Variants in LRP1B observed in about 807,000 individuals in gnomAD.
The protein encoded by LRP1B is low-density lipoprotein receptor-related protein 1B.
LRP1B carries 217 observed loss-of-function variants against 556.6 expected under a neutral mutation model. The observed-to-expected ratio is 0.39, with a 90% CI of 0.35 to 0.44. The LOEUF (loss-of-function observed/expected upper bound fraction) is 0.44. Ranked by LOEUF, LRP1B falls within the 20% of genes least tolerant of loss-of-function variation. The probability of loss-of-function intolerance (pLI) is 1.00; values close to 1 mark genes in which losing one functional copy is unlikely to be tolerated. For synonymous variants in LRP1B, 2,047 were observed against 1,865.8 expected (o/e 1.10, Z -2.50); for missense variants, 5,053 against 5,620.8 (o/e 0.90, Z 3.23).
chr2:141,504,172 T>C lies in LRP1B; in HGVS notation c.206-23639A>G, dbSNP rs146048888. Among the ~76,000 whole-genome samples the C allele has an allele frequency of 1.8e-3, 275 of 152,290 alleles. 2 individuals carry two copies. The highest frequency in any genetic ancestry group is 6.3e-3 in the African/African-American group (262 of 41,574). ...AGATGAATTCTCCAGAGGTTTCATA[T>C]TAATTAAGCCTGCTTTCGAAGATGA... is the stretch of plus-strand genomic sequence containing the variant. On this transcript the variant is annotated intron_variant, in intron 2 of 90. Transcript: ENST00000389484.
At chr2:140,952,282 G>A (rs1695739902) in intron 18 of LRP1B, among the ~76,000 whole-genome samples, 1 of 152,130 alleles carries the variant, frequency 6.6e-6, no homozygotes, top group South Asian at 2.1e-4. Context: ...TATTGGAGCT[G>A]TACACTCTGG....
intron 2 of LRP1B, among the ~76,000 whole-genome samples, chr2:141,753,651 T>G (rs561914905): frequency 2.7e-4 from 41 of 152,122 alleles, no homozygotes; most frequent in Non-Finnish European, 4.9e-4. Context: ...CATTTTTATA[T>G]GAAAACAACA....
At chr2:140,891,548 T>C (rs1353110194) in intron 23 of LRP1B, among the ~76,000 whole-genome samples, 1 of 152,200 alleles carries the variant, frequency 6.6e-6, no homozygotes, top group African/African-American at 2.4e-5. Flanking sequence ...TTTGAACTTT[T>C]CTGTCCCATC....
At chr2:141,478,191 T>A (rs1257619064) in intron 3 of LRP1B, among the ~76,000 whole-genome samples, 1 of 152,200 alleles carries the variant, frequency 6.6e-6, no homozygotes, top group Non-Finnish European at 1.5e-5. Context: ...GCTATTAACA[T>A]ATGCCCTCAT....
intron 67 of LRP1B, among the ~76,000 whole-genome samples, chr2:140,378,729 C>T (rs538138008): frequency 8.6e-4 from 131 of 152,202 alleles, no homozygotes; most frequent in Non-Finnish European, 1.6e-3. Context: ...TTGTATTTGA[C>T]TTTATATTAT....
At chr2:141,790,488 G>T (rs567057553) in intron 2 of LRP1B, among the ~76,000 whole-genome samples, 1 of 151,982 alleles carries the variant, frequency 6.6e-6, no homozygotes, top group African/African-American at 2.4e-5. Context: ...GGTGGCAACT[G>T]TTCAGGTGCC....
At chr2:140,716,191 A>G (rs1416259997) in intron 36 of LRP1B, 89 bp from the exon 37 acceptor site, 7 of 937,764 alleles carry the variant, frequency 7.5e-6, no homozygotes, top group South Asian at 6.3e-5. Context: ...GAGCATTCAC[A>G]TAACTATCAA....
At chr2:140,565,822 C>T (rs1020549980) in intron 43 of LRP1B, among the ~76,000 whole-genome samples, 5 of 152,116 alleles carry the variant, frequency 3.3e-5, no homozygotes, top group Non-Finnish European at 1.5e-5. Context: ...CTGGGATGAG[C>T]TGGGAGTCAG....
intron 7 of LRP1B, among the ~76,000 whole-genome samples, chr2:141,096,681 A>AGAGAGG (rs1700329022): frequency 7.7e-6 from 1 of 130,514 alleles, no homozygotes; most frequent in Non-Finnish European, 1.7e-5. Flanking sequence ...AGAGAGAGAG[A>AGAGAGG]GAGAGAGAGA....
chr2:140,418,436 C>A (rs1685290946), intron 66 of LRP1B, among the ~76,000 whole-genome samples: 1 of 152,138 alleles, frequency 6.6e-6, no homozygotes, highest in African/African-American at 2.4e-5. Context: ...TACTTGAGAT[C>A]ACAAATGACG....
intron 7 of LRP1B, among the ~76,000 whole-genome samples, chr2:141,156,478 C>T (rs77696307): frequency 0.028 from 4,315 of 151,850 alleles, 79 homozygotes; most frequent in East Asian, 0.062. Flanking sequence ...AATTCAAAAA[C>T]TTAGACAGGC....
chr2:141,776,598 G>A (rs1486131311), intron 2 of LRP1B, among the ~76,000 whole-genome samples: 1 of 152,144 alleles, frequency 6.6e-6, no homozygotes, highest in Non-Finnish European at 1.5e-5. Context: ...AGTGGTATCA[G>A]TATTGCCATA....
In LRP1B at chr2:141,497,443, G is replaced by A. The variant is rs979323366; in HGVS notation, c.206-16910C>T. Among the ~76,000 whole-genome samples, 6 of 152,068 alleles carry A rather than the reference G, an allele frequency of 3.9e-5. No individual in the cohort carries two copies. The East Asian group carries it at 1.2e-3, about 29-fold the overall frequency. On this transcript the variant is annotated intron_variant, in intron 2 of 90. Transcript: ENST00000389484. ...TTGAAAACAAACAAAAAACACCTCT[G>A]GTAGCAACTTGGCGTCCTAGTTTAC... is the stretch of plus-strand genomic sequence containing the variant.
chr2:140,276,770 T>C (rs1203079376), intron 84 of LRP1B, among the ~76,000 whole-genome samples: 1 of 152,004 alleles, frequency 6.6e-6, no homozygotes, highest in Non-Finnish European at 1.5e-5. Flanking sequence ...TATGTCATTA[T>C]TCAAAGGTTG....
intron 3 of LRP1B, among the ~76,000 whole-genome samples, chr2:141,271,235 A>T (rs1194227900): frequency 2.6e-5 from 4 of 151,902 alleles, no homozygotes; most frequent in African/African-American, 9.7e-5. Context: ...AAAAATAAAC[A>T]GAGCTTGAGA....
At chr2:141,361,322 G>A (rs897643704) in intron 3 of LRP1B, among the ~76,000 whole-genome samples, 1 of 151,880 alleles carries the variant, frequency 6.6e-6, no homozygotes, top group Non-Finnish European at 1.5e-5. Flanking sequence ...TGTTTTCTTA[G>A]CCCTTTTAAA....
chr2:140,547,886 A>G (rs1680403468), intron 43 of LRP1B, among the ~76,000 whole-genome samples: 1 of 151,626 alleles, frequency 6.6e-6, no homozygotes, highest in Non-Finnish European at 1.5e-5. Flanking sequence ...AAATAAAGGT[A>G]TCGATTTGAT....
intron 3 of LRP1B, among the ~76,000 whole-genome samples, chr2:141,339,067 A>T (rs1194275231): frequency 6.6e-6 from 1 of 151,806 alleles, no homozygotes; most frequent in Non-Finnish European, 1.5e-5. Context: ...ACTTCCTTTT[A>T]TTCTTCAGAA....
chr2:140,855,323 CA>C, intron 27 of LRP1B, among the ~76,000 whole-genome samples: 1 of 4,794 alleles, frequency 2.1e-4, no homozygotes, highest in Admixed American at 4.7e-3. Flanking sequence ...GCATTACATA[CA>C]GTTGTTGTCT....
Sources: allele counts gnomAD v4.1 joint callset (sites outside exome capture counted in the v4.1 genomes callset), GRCh38; gene constraint gnomAD v4.1.1; transcripts MANE v1.5; gene names NCBI Gene and HGNC (gene_info 2026-07-23, HGNC 2026-07-21).